SPOCK1: variants seen among roughly 807,000 people sequenced by gnomAD.
SPOCK1 encodes testican-1.
A neutral mutation model predicts 55.3 loss-of-function variants in SPOCK1; 23 were observed. The observed-to-expected ratio is 0.42, with a 90% CI of 0.30 to 0.59. The LOEUF (loss-of-function observed/expected upper bound fraction) is 0.59. Ranked by LOEUF, SPOCK1 falls within the 20% of genes least tolerant of loss-of-function variation. The pLI, the probability that SPOCK1 is intolerant of heterozygous loss-of-function variation, is 0.22. For missense variants in SPOCK1, 499 were observed against 552.5 expected (o/e 0.90, Z 0.97); for synonymous variants, 226 against 221.0 (o/e 1.02, Z -0.20).
intron 9 of SPOCK1, among the ~76,000 whole-genome samples, chr5:136,979,797 C>CAACTCTAAGAGATACATA: frequency 6.6e-6 from 1 of 152,290 alleles, no homozygotes; most frequent in Non-Finnish European, 1.5e-5. Flanking sequence ...CTTATTCCCA[C>CAACTCTAAGAGATACATA]AACTCTAAGA....
At chr5:137,394,667 A>G (rs1751803839) in intron 2 of SPOCK1, among the ~76,000 whole-genome samples, 1 of 152,212 alleles carries the variant, frequency 6.6e-6, no homozygotes, top group African/African-American at 2.4e-5. Context: ...TAAGTGCTCA[A>G]TAAATATTCC....
At chr5:137,053,841 C>G (rs950872726) in intron 6 of SPOCK1, among the ~76,000 whole-genome samples, 2 of 152,168 alleles carry the variant, frequency 1.3e-5, no homozygotes, top group African/African-American at 4.8e-5. Context: ...CGGGCCAGAA[C>G]TGAATCACAG....
intron 2 of SPOCK1, among the ~76,000 whole-genome samples, chr5:137,465,087 A>G (rs35141994): frequency 0.03 from 4,535 of 152,324 alleles, 76 homozygotes; most frequent in Non-Finnish European, 0.043. Context: ...ACCAGAGTCC[A>G]GGATTCACGA....
intron 3 of SPOCK1, among the ~76,000 whole-genome samples, chr5:137,142,249 G>C (rs1249692774): frequency 2.0e-5 from 3 of 152,160 alleles, no homozygotes; most frequent in Non-Finnish European, 2.9e-5. Context: ...ATGTCACAGT[G>C]CCCTCAACCA....
chr5:137,128,120 GAA>G (rs1024839617), intron 4 of SPOCK1, among the ~76,000 whole-genome samples: 5 of 152,152 alleles, frequency 3.3e-5, no homozygotes, highest in African/African-American at 1.2e-4. Flanking sequence ...CCTCATAAAA[GAA>G]GGCCCGTAGA....
intron 2 of SPOCK1, among the ~76,000 whole-genome samples, chr5:137,418,094 G>A (rs983877466): frequency 3.9e-5 from 6 of 152,116 alleles, no homozygotes; most frequent in African/African-American, 9.7e-5. Flanking sequence ...TGAGAATGAC[G>A]GCTTCCAGCT....
intron 2 of SPOCK1, among the ~76,000 whole-genome samples, chr5:137,417,365 A>C (rs1391792465): frequency 6.7e-6 from 1 of 149,992 alleles, no homozygotes. Context: ...TTTTAAAAAA[A>C]TCAATTTTAC....
chr5:137,365,069 C>T (rs1007426296), intron 2 of SPOCK1: 2 of 152,268 alleles, frequency 1.3e-5, no homozygotes, highest in Non-Finnish European at 2.9e-5. Context: ...TCAGGTCATA[C>T]TTCTGGTGAG....
At chr5:137,100,341 T>G (rs2127024900) in intron 5 of SPOCK1, among the ~76,000 whole-genome samples, 1 of 152,338 alleles carries the variant, frequency 6.6e-6, no homozygotes, top group Non-Finnish European at 1.5e-5. Flanking sequence ...TCCTTGTCCC[T>G]TGTTTGGTGC....
At chr5:137,127,508 A>G (rs1753800864) in intron 4 of SPOCK1, among the ~76,000 whole-genome samples, 1 of 152,246 alleles carries the variant, frequency 6.6e-6, no homozygotes, top group African/African-American at 2.4e-5. Context: ...CTCTCACTCC[A>G]GTGGGTCTGG....
At chr5:137,462,335 G>T (rs1272632755) in intron 2 of SPOCK1, among the ~76,000 whole-genome samples, 1 of 152,212 alleles carries the variant, frequency 6.6e-6, no homozygotes, top group African/African-American at 2.4e-5. Context: ...AGAGCCTGGA[G>T]CTTCCATCCA....
At chr5:137,481,423 A>C (rs1561546983) in intron 2 of SPOCK1, among the ~76,000 whole-genome samples, 1 of 152,276 alleles carries the variant, frequency 6.6e-6, no homozygotes, top group South Asian at 2.1e-4. Flanking sequence ...CATCTCTCAA[A>C]CTCAAAATTT....
Position 137,191,404 on chromosome 5 carries a change from G to C in SPOCK1, c.233-50710C>G, listed in dbSNP as rs137905430. Among the ~76,000 whole-genome samples, 327 of 151,480 alleles carry C rather than the reference G, an allele frequency of 2.2e-3. 6 individuals carry two copies. The highest frequency in any genetic ancestry group is 7.8e-3 in the African/African-American group (319 of 40,818). ...TACCACTGGTTTCCAGAGAAGGCCT[G>C]CTGTATGATGGAAATTCTGTATCAG... On this transcript the variant is annotated intron_variant, in intron 3 of 10. Coordinates refer to ENST00000394945, the MANE Select transcript of SPOCK1 (RefSeq NM_004598.4).
At chr5:137,284,939 A>G (rs1757234131) in intron 2 of SPOCK1, among the ~76,000 whole-genome samples, 1 of 152,208 alleles carries the variant, frequency 6.6e-6, no homozygotes, top group African/African-American at 2.4e-5. Context: ...CAGCGGGCAG[A>G]GGATAAAGCA....
intron 2 of SPOCK1, among the ~76,000 whole-genome samples, chr5:137,420,331 T>G (rs376796928): frequency 6.6e-6 from 1 of 152,090 alleles, no homozygotes; most frequent in East Asian, 1.9e-4. Flanking sequence ...AGGGAGGATT[T>G]CCTCTTTTTC....
intron 2 of SPOCK1, among the ~76,000 whole-genome samples, chr5:137,419,176 T>C (rs924115612): frequency 5.9e-5 from 9 of 152,154 alleles, no homozygotes; most frequent in Admixed American, 1.3e-4. Flanking sequence ...GTTTTGGTAC[T>C]AGTACCATGC....
intron 3 of SPOCK1, among the ~76,000 whole-genome samples, chr5:137,157,722 G>T (rs1207485775): frequency 6.6e-6 from 1 of 152,182 alleles, no homozygotes; most frequent in Non-Finnish European, 1.5e-5. Context: ...ATGGATGAAA[G>T]GTTGGTCACT....
At chr5:137,228,142 T>C (rs1339765345) in intron 3 of SPOCK1, among the ~76,000 whole-genome samples, 3 of 152,212 alleles carry the variant, frequency 2.0e-5, no homozygotes, top group Non-Finnish European at 4.4e-5. Flanking sequence ...GCCCCAGGAC[T>C]CATACATGAT....
At chr5:136,998,177 C>T (rs1008173398) in intron 6 of SPOCK1, among the ~76,000 whole-genome samples, 24 of 152,192 alleles carry the variant, frequency 1.6e-4, no homozygotes, top group Middle Eastern at 3.4e-3. Flanking sequence ...TATTGTTGTG[C>T]GTTTTTTAAG....
Sources: gnomAD v4.1 joint callset for allele counts (sites outside exome capture counted in the v4.1 genomes callset) on GRCh38, gnomAD v4.1.1 for gene constraint, MANE v1.5 for transcripts, NCBI Gene and HGNC (gene_info 2026-07-23, HGNC 2026-07-21) for gene names.